The following TMEM232 variants were observed in gnomAD, a reference collection of about 807,000 sequenced individuals.
TMEM232 encodes the protein transmembrane protein 232.
A neutral mutation model predicts 78.8 loss-of-function variants in TMEM232; 80 were observed. The ratio of observed to expected loss-of-function variants is 1.01; its 90% confidence interval spans 0.85 to 1.22. TMEM232 has a LOEUF of 1.22. TMEM232 is among the 50% of genes most tolerant of loss of function. The probability of loss-of-function intolerance (pLI) is 0.00; values close to 1 mark genes in which losing one functional copy is unlikely to be tolerated. For missense variants in TMEM232, 881 were observed against 742.2 expected (o/e 1.19, Z -2.17); for synonymous variants, 297 against 254.3 (o/e 1.17, Z -1.60).
chr5:110,554,472 T>C (rs2149628028), intron 11 of TMEM232, among the ~76,000 whole-genome samples: 1 of 152,240 alleles, frequency 6.6e-6, no homozygotes, highest in Non-Finnish European at 1.5e-5. Context: ...ATATATGTAT[T>C]CCATTAGGTC....
intron 11 of TMEM232, among the ~76,000 whole-genome samples, chr5:110,552,251 C>T (rs1474192338): frequency 4.0e-5 from 6 of 151,712 alleles, no homozygotes; most frequent in Non-Finnish European, 7.4e-5. Flanking sequence ...CTGAAAATAG[C>T]CACAATATAT....
intron 11 of TMEM232, among the ~76,000 whole-genome samples, chr5:110,546,834 T>C (rs989817395): frequency 3.3e-5 from 5 of 152,108 alleles, no homozygotes; most frequent in African/African-American, 1.2e-4. Flanking sequence ...AGGAAAATAT[T>C]ATAAGTTGGT....
intron 12 of TMEM232, among the ~76,000 whole-genome samples, chr5:110,515,235 A>G (rs1768433727): frequency 6.6e-6 from 1 of 152,216 alleles, no homozygotes; most frequent in African/African-American, 2.4e-5. Context: ...GTGGCAAACA[A>G]AATTGATCAT....
At chr5:110,440,738 T>TGC (rs1481642945) in intron 12 of TMEM232, among the ~76,000 whole-genome samples, 12 of 152,284 alleles carry the variant, frequency 7.9e-5, no homozygotes, top group Non-Finnish European at 2.9e-5. Flanking sequence ...TTTTCCTCAG[T>TGC]GTATTGAGGC....
chr5:110,682,041 AT>A (rs563629458), intron 1 of TMEM232, among the ~76,000 whole-genome samples: 11 of 151,944 alleles, frequency 7.2e-5, no homozygotes, highest in Non-Finnish European at 1.3e-4. Flanking sequence ...ATTAAGACAC[AT>A]TTTTTTTACT....
chr5:110,619,779 T>C (rs920413053), intron 7 of TMEM232, among the ~76,000 whole-genome samples: 55 of 152,232 alleles, frequency 3.6e-4, no homozygotes, highest in African/African-American at 1.3e-3. Flanking sequence ...AATCCTCAGA[T>C]TGCAAACTTA....
intron 1 of TMEM232, among the ~76,000 whole-genome samples, chr5:110,723,124 G>C (rs1204524851): frequency 6.6e-6 from 1 of 152,130 alleles, no homozygotes; most frequent in Non-Finnish European, 1.5e-5. Context: ...ATTCACCAGT[G>C]AACCTATCTG....
At chr5:110,727,327 G>A (rs777077556), upstream of TMEM232, among the ~76,000 whole-genome samples, 8 of 151,974 alleles carry the variant, frequency 5.3e-5, no homozygotes, top group Non-Finnish European at 1.0e-4. Flanking sequence ...AAATTCATAC[G>A]TAGGCCGGGC....
chr5:110,488,366 T>G (rs1764687432), intron 12 of TMEM232, among the ~76,000 whole-genome samples: 1 of 151,968 alleles, frequency 6.6e-6, no homozygotes, highest in Non-Finnish European at 1.5e-5. Flanking sequence ...TTAAAAGGAT[T>G]AAAGCACAGA....
chr5:110,557,013 G>A (rs140144324), intron 11 of TMEM232, among the ~76,000 whole-genome samples: 1 of 152,260 alleles, frequency 6.6e-6, no homozygotes, highest in East Asian at 1.9e-4. Context: ...ATGCCAATAA[G>A]TCATAGATTT....
chr5:110,511,112 C>T (rs1767681675), intron 12 of TMEM232, among the ~76,000 whole-genome samples: 1 of 152,088 alleles, frequency 6.6e-6, no homozygotes, highest in African/African-American at 2.4e-5. Flanking sequence ...TACTATGCCG[C>T]CACAAAAGGG....
intron 3 of TMEM232, among the ~76,000 whole-genome samples, chr5:110,397,469 G>A (rs1755432576): frequency 6.6e-6 from 1 of 152,136 alleles, no homozygotes; most frequent in Non-Finnish European, 1.5e-5. Context: ...GCCCTCCTCA[G>A]TATATTAGCG....
upstream of TMEM232, chr5:110,738,712 G>A (rs927996468): frequency 1.7e-5 from 4 of 234,214 alleles, no homozygotes; most frequent in Non-Finnish European, 3.3e-5. Context: ...ATTTCTGGCC[G>A]GGATCTCACC....
At chr5:110,670,792 C>A (rs1343598880) in intron 1 of TMEM232, among the ~76,000 whole-genome samples, 5 of 152,012 alleles carry the variant, frequency 3.3e-5, no homozygotes, top group African/African-American at 9.6e-5. Flanking sequence ...TTAAAATGCA[C>A]TCAGGAAAAT....
At chr5:110,539,065 C>T (rs1356622863) in intron 11 of TMEM232, among the ~76,000 whole-genome samples, 1 of 152,174 alleles carries the variant, frequency 6.6e-6, no homozygotes, top group Non-Finnish European at 1.5e-5. Flanking sequence ...GTAAGCATCA[C>T]CTGGCAGAAT....
chr5:110,579,255 C>A (rs1195928249), intron 10 of TMEM232, among the ~76,000 whole-genome samples: 14 of 148,524 alleles, frequency 9.4e-5, no homozygotes, highest in South Asian at 4.2e-4. Flanking sequence ...TGGAAAACTG[C>A]AGTTTAAAAA....
chr5:110,731,499 C>A (rs1482307803), upstream of TMEM232, among the ~76,000 whole-genome samples: 1 of 152,240 alleles, frequency 6.6e-6, no homozygotes, highest in African/African-American at 2.4e-5. Context: ...TTCCATACAT[C>A]TTCGGAAATC....
At chr5:110,666,565 T>C (rs1790618403) in intron 2 of TMEM232, 1 of 152,146 alleles carries the variant, frequency 6.6e-6, no homozygotes, top group African/African-American at 2.4e-5. Flanking sequence ...TCCTTGACCA[T>C]TTAGATGCAC....
intron 1 of TMEM232, among the ~76,000 whole-genome samples, chr5:110,722,184 T>C (rs536345609): frequency 1.7e-4 from 26 of 152,272 alleles, no homozygotes; most frequent in African/African-American, 4.6e-4. Context: ...TTTTCCCCTA[T>C]ATCTTTAGAA....
Sources: gnomAD v4.1 joint callset for allele counts (sites outside exome capture counted in the v4.1 genomes callset) on GRCh38, gnomAD v4.1.1 for gene constraint, MANE v1.5 for transcripts, NCBI Gene and HGNC (gene_info 2026-07-23, HGNC 2026-07-21) for gene names.